Variants in PUDP observed in about 807,000 individuals in gnomAD.
The protein encoded by PUDP is pseudouridine-5'-phosphatase.
PUDP carries 8 observed loss-of-function variants against 9.4 expected under a neutral mutation model. The observed-to-expected ratio is 0.85, with a 90% CI of 0.50 to 1.53. The LOEUF (loss-of-function observed/expected upper bound fraction) is 1.53, where lower values mean the gene tolerates loss of function less well. PUDP is among the 40% of genes most tolerant of loss of function. PUDP has a pLI of 0.00. For synonymous variants in PUDP, 99 were observed against 80.7 expected (o/e 1.23, Z -1.22); for missense variants, 188 against 189.7 (o/e 0.99, Z 0.05).
chrX:6,713,631 C>T (rs1602596357), intron 1 of PUDP, among the ~76,000 whole-genome samples: 2 of 111,343 alleles, frequency 1.8e-5, no homozygotes, highest in East Asian at 2.8e-4. Context: ...GTAACCCCAT[C>T]GTAAGTGGAG....
chrX:7,014,277 C>G (rs1438273652), intron 1 of PUDP, among the ~76,000 whole-genome samples: 1 of 109,989 alleles, frequency 9.1e-6, no homozygotes, highest in Non-Finnish European at 1.9e-5. Context: ...CAACTTTTCC[C>G]ACTTAGGGCC....
intron 3 of PUDP, among the ~76,000 whole-genome samples, chrX:6,809,681 T>A (rs1428466619): frequency 9.0e-6 from 1 of 111,036 alleles, no homozygotes; most frequent in Non-Finnish European, 1.9e-5. Flanking sequence ...CCTACCACAG[T>A]CATAATTTGA....
chrX:7,099,100 G>C (rs1190398111), intron 2 of PUDP, among the ~76,000 whole-genome samples: 1 of 112,215 alleles, frequency 8.9e-6, no homozygotes, highest in Non-Finnish European at 1.9e-5. Flanking sequence ...AAAACTCCTG[G>C]GGGATTCTAC....
chrX:7,140,110 C>T (rs1439600834), intron 1 of PUDP, among the ~76,000 whole-genome samples: 1 of 112,228 alleles, frequency 8.9e-6, no homozygotes, highest in African/African-American at 3.2e-5. Context: ...CCTTTTTGTG[C>T]TCTTACACAG....
chrX:7,108,686 C>T (rs1269823137), intron 1 of PUDP, among the ~76,000 whole-genome samples: 1 of 112,233 alleles, frequency 8.9e-6, no homozygotes, highest in African/African-American at 3.2e-5. Flanking sequence ...TATTTTTCTC[C>T]TTGCTTTTCT....
At chrX:7,117,624 G>C (rs1324329525) in intron 1 of PUDP, among the ~76,000 whole-genome samples, 1 of 113,101 alleles carries the variant, frequency 8.8e-6, no homozygotes, top group Non-Finnish European at 1.9e-5. Context: ...TAGGAAATAT[G>C]CTGCCTGGCC....
chrX:7,146,118 A>G (rs1602850864), intron 1 of PUDP, among the ~76,000 whole-genome samples: 1 of 111,434 alleles, frequency 9.0e-6, no homozygotes, highest in East Asian at 2.8e-4. Context: ...AAAGGAGGAA[A>G]TGGGCAGAAA....
chrX:6,969,055 G>A (rs978942541), intron 3 of PUDP, among the ~76,000 whole-genome samples: 2 of 112,282 alleles, frequency 1.8e-5, no homozygotes, highest in African/African-American at 6.5e-5. Context: ...TGCACTAACT[G>A]CCTTCCTTAT....
chrX:6,821,581 C>G (rs192506771), intron 3 of PUDP, among the ~76,000 whole-genome samples: 1 of 111,631 alleles, frequency 9.0e-6, no homozygotes, highest in Non-Finnish European at 1.9e-5. Flanking sequence ...CAAAGCAGGC[C>G]CTAATGATAC....
chrX:6,783,503 C>T (rs186898395), intron 3 of PUDP, among the ~76,000 whole-genome samples: 58 of 111,472 alleles, frequency 5.2e-4, no homozygotes, highest in Non-Finnish European at 4.3e-4. Context: ...GACTTCTTTC[C>T]TGTAATGGAA....
At chrX:6,821,739 G>C (rs1385835703) in intron 3 of PUDP, among the ~76,000 whole-genome samples, 2 of 112,337 alleles carry the variant, frequency 1.8e-5, no homozygotes, top group East Asian at 5.6e-4. Context: ...AGATAAGCAA[G>C]CTGCAAGTTT....
intron 3 of PUDP, among the ~76,000 whole-genome samples, chrX:6,854,864 C>T (rs1006398127): frequency 9.1e-6 from 1 of 109,464 alleles, no homozygotes; most frequent in Non-Finnish European, 1.9e-5. Context: ...TAAGTGGATC[C>T]TCAAACTCCT....
At chrX:6,822,370 T>C (rs1472873425) in intron 3 of PUDP, among the ~76,000 whole-genome samples, 1 of 112,738 alleles carries the variant, frequency 8.9e-6, no homozygotes, top group Non-Finnish European at 1.9e-5. Context: ...CCAATCATAC[T>C]TCTCCATGCC....
intron 3 of PUDP, among the ~76,000 whole-genome samples, chrX:6,933,324 T>G (rs962555622): frequency 9.0e-6 from 1 of 111,062 alleles, no homozygotes; most frequent in Admixed American, 9.6e-5. Flanking sequence ...CATTCGCGGC[T>G]CACGAAAAAC....
intron 3 of PUDP, among the ~76,000 whole-genome samples, chrX:7,071,519 AC>A (rs1188031428): frequency 9.0e-6 from 1 of 110,966 alleles, no homozygotes; most frequent in African/African-American, 3.3e-5. Context: ...CTCCTGTTGG[AC>A]TTGTTCTGTT....
chrX:6,753,122 C>G (rs1481275762), intron 3 of PUDP, among the ~76,000 whole-genome samples: 1 of 110,744 alleles, frequency 9.0e-6, no homozygotes, highest in Non-Finnish European at 1.9e-5. Context: ...TCTCTCACAC[C>G]CTTCCCATCC....
intron 1 of PUDP, among the ~76,000 whole-genome samples, chrX:6,714,483 T>C (rs1924572302): frequency 9.0e-6 from 1 of 111,674 alleles, no homozygotes; most frequent in Admixed American, 9.5e-5. Flanking sequence ...AGTCTATATG[T>C]CTTTTGATGT....
intron 3 of PUDP, among the ~76,000 whole-genome samples, chrX:6,929,688 G>A (rs1928159671): frequency 8.9e-6 from 1 of 112,177 alleles, no homozygotes; most frequent in East Asian, 2.8e-4. Context: ...GGTTAACTTC[G>A]GAATGCCCTT....
chrX:6,727,683 C>G (rs1230366249), intron 3 of PUDP, among the ~76,000 whole-genome samples: 4 of 111,613 alleles, frequency 3.6e-5, no homozygotes, highest in African/African-American at 1.3e-4. Flanking sequence ...ATTTTTATAT[C>G]CCTGTGGCCA....
Sources: allele counts gnomAD v4.1 joint callset (sites outside exome capture counted in the v4.1 genomes callset), GRCh38; gene constraint gnomAD v4.1.1; transcripts MANE v1.5; gene names NCBI Gene and HGNC (gene_info 2026-07-23, HGNC 2026-07-21).